DNAJC3: variants seen among roughly 807,000 people sequenced by gnomAD.
DNAJC3 encodes dnaJ homolog subfamily C member 3.
DNAJC3 carries 38 observed loss-of-function variants against 68.6 expected under a neutral mutation model. That is an observed-to-expected ratio of 0.55 (90% CI 0.43 to 0.73). The LOEUF is 0.73. Ranked by LOEUF, DNAJC3 falls within the 30% of genes least tolerant of loss-of-function variation. DNAJC3 has a pLI of 0.00. For synonymous variants in DNAJC3, 203 were observed against 204.0 expected, an observed-to-expected ratio of 1.00 and a Z score of 0.04; for missense variants, 526 against 591.9, an observed-to-expected ratio of 0.89 and a Z score of 1.16.
At chr13:95,778,471 A>G (rs983901269) in intron 9 of DNAJC3, among the ~76,000 whole-genome samples, 1 of 152,232 alleles carries the variant, frequency 6.6e-6, no homozygotes, top group African/African-American at 2.4e-5. Flanking sequence ...ATACATATAA[A>G]TTGGAATACA....
At chr13:95,725,702 T>C (rs1411536482) in intron 4 of DNAJC3, among the ~76,000 whole-genome samples, 1 of 151,868 alleles carries the variant, frequency 6.6e-6, no homozygotes, top group Admixed American at 6.6e-5. Flanking sequence ...ACTTTAAGTT[T>C]TAGGGTACAT....
At chr13:95,711,967 A>G (rs995830990) in intron 2 of DNAJC3, among the ~76,000 whole-genome samples, 1 of 152,248 alleles carries the variant, frequency 6.6e-6, no homozygotes, top group Non-Finnish European at 1.5e-5. Flanking sequence ...ACATAATAGC[A>G]AATGAATCTA....
intron 3 of DNAJC3, among the ~76,000 whole-genome samples, chr13:95,724,856 A>G (rs1881454440): frequency 6.6e-6 from 1 of 152,162 alleles, no homozygotes; most frequent in Non-Finnish European, 1.5e-5. Context: ...TGGATATATT[A>G]TATTTGTATA....
chr13:95,711,177 C>G (rs955098893), intron 2 of DNAJC3, among the ~76,000 whole-genome samples: 1 of 152,134 alleles, frequency 6.6e-6, no homozygotes, highest in African/African-American at 2.4e-5. Context: ...TCTCTGAACT[C>G]ATAGGAAACA....
intron 9 of DNAJC3, among the ~76,000 whole-genome samples, chr13:95,779,932 A>C (rs1883402217): frequency 6.6e-6 from 1 of 152,148 alleles, no homozygotes; most frequent in Non-Finnish European, 1.5e-5. Flanking sequence ...GTTAAAAAAA[A>C]ATTATTACTC....
At chr13:95,761,022 A>G (rs1882804985) in intron 7 of DNAJC3, among the ~76,000 whole-genome samples, 1 of 152,246 alleles carries the variant, frequency 6.6e-6, no homozygotes, top group African/African-American at 2.4e-5. Flanking sequence ...TACTTGTACT[A>G]TACCAAATAT....
At chr13:95,755,085 C>G (rs182453574) in intron 4 of DNAJC3, among the ~76,000 whole-genome samples, 1 of 152,210 alleles carries the variant, frequency 6.6e-6, no homozygotes, top group African/African-American at 2.4e-5. Context: ...GGGCCATTCT[C>G]TACATGCAGG....
intron 9 of DNAJC3, among the ~76,000 whole-genome samples, chr13:95,779,037 T>C (rs1209709793): frequency 6.6e-6 from 1 of 152,132 alleles, no homozygotes; most frequent in Non-Finnish European, 1.5e-5. Flanking sequence ...TTATGATTTG[T>C]ATATTTCCTT....
intron 11 of DNAJC3, among the ~76,000 whole-genome samples, chr13:95,788,645 T>G (rs1883672602): frequency 6.6e-6 from 1 of 152,238 alleles, no homozygotes; most frequent in Non-Finnish European, 1.5e-5. Flanking sequence ...GGTTACCTCA[T>G]TCTTTGAGAT....
intron 9 of DNAJC3, among the ~76,000 whole-genome samples, chr13:95,769,178 C>T (rs1883096025): frequency 6.6e-6 from 1 of 152,042 alleles, no homozygotes; most frequent in African/African-American, 2.4e-5. Context: ...CATTTTTAAC[C>T]CAAAGGAGTC....
chr13:95,734,714 CATTCTTTTTT>C (rs1881833460), intron 4 of DNAJC3, among the ~76,000 whole-genome samples: 1 of 151,516 alleles, frequency 6.6e-6, no homozygotes, highest in South Asian at 2.1e-4. Context: ...TATTCTTTTT[CATTCTTTTTT>C]CTTTATATTT....
intron 4 of DNAJC3, among the ~76,000 whole-genome samples, chr13:95,733,994 T>C (rs1160294122): frequency 6.6e-6 from 1 of 152,142 alleles, no homozygotes; most frequent in Non-Finnish European, 1.5e-5. Context: ...ATCCTGGTCA[T>C]ATTGTTTGTT....
At chr13:95,758,203 T>C (rs745497675) in intron 5 of DNAJC3, among the ~76,000 whole-genome samples, 2 of 152,062 alleles carry the variant, frequency 1.3e-5, no homozygotes, top group African/African-American at 2.4e-5. Context: ...AAAGAGTTGA[T>C]AGTATGTGCC....
intron 11 of DNAJC3, among the ~76,000 whole-genome samples, chr13:95,787,669 GT>G (rs58483078): frequency 0.015 from 2,080 of 142,904 alleles, 34 homozygotes; most frequent in African/African-American, 0.046. Flanking sequence ...GCTTATATGT[GT>G]TTTTTTTTTT....
chr13:95,716,635 T>G (rs975716368), intron 2 of DNAJC3, among the ~76,000 whole-genome samples: 11 of 152,102 alleles, frequency 7.2e-5, no homozygotes, highest in Non-Finnish European at 1.5e-5. Context: ...GATGGAGTGG[T>G]AAGGTGGTCT....
At chr13:95,714,122 T>C (rs1472666093) in intron 2 of DNAJC3, among the ~76,000 whole-genome samples, 1 of 152,230 alleles carries the variant, frequency 6.6e-6, no homozygotes, top group East Asian at 1.9e-4. Context: ...GCGTTGCCAC[T>C]GGGTAATCCT....
intron 4 of DNAJC3, among the ~76,000 whole-genome samples, chr13:95,756,177 G>A (rs1566501679): frequency 6.6e-6 from 1 of 152,164 alleles, no homozygotes; most frequent in African/African-American, 2.4e-5. Flanking sequence ...TAGGAAACAC[G>A]TTATCAATAA....
intron 4 of DNAJC3, among the ~76,000 whole-genome samples, chr13:95,742,035 G>A (rs945520148): frequency 6.6e-6 from 1 of 152,230 alleles, no homozygotes; most frequent in African/African-American, 2.4e-5. Context: ...TGGCTGTGCT[G>A]CAGTCCTGCT....
intron 9 of DNAJC3, among the ~76,000 whole-genome samples, chr13:95,773,612 A>G (rs1411491686): frequency 1.3e-5 from 2 of 151,422 alleles, no homozygotes; most frequent in African/African-American, 4.9e-5. Flanking sequence ...ATATTATCTT[A>G]TTATTTAATG....
Sources: gnomAD v4.1 joint callset for allele counts (sites outside exome capture counted in the v4.1 genomes callset) on GRCh38, gnomAD v4.1.1 for gene constraint, MANE v1.5 for transcripts, NCBI Gene and HGNC (gene_info 2026-07-23, HGNC 2026-07-21) for gene names.